The following CDCA2 variants were observed in gnomAD, a reference collection of about 807,000 sequenced individuals.
CDCA2 encodes the protein cell division cycle-associated protein 2.
A neutral mutation model predicts 67.0 loss-of-function variants in CDCA2; 44 were observed. That is an observed-to-expected ratio of 0.66 (90% confidence interval 0.52 to 0.84). The LOEUF (loss-of-function observed/expected upper bound fraction) is 0.84. Among genes scored for constraint, CDCA2 ranks in the 40% least tolerant of loss-of-function variants. The pLI, the probability that CDCA2 is intolerant of heterozygous loss-of-function variation, is 0.00. For missense variants in CDCA2, 1,253 were observed against 1,203.2 expected, an observed-to-expected ratio of 1.04 and a Z score of -0.61; for synonymous variants, 447 against 418.7, an observed-to-expected ratio of 1.07 and a Z score of -0.82.
At chr8:25,494,466 T>C (rs1386743030) in intron 13 of CDCA2, among the ~76,000 whole-genome samples, 1 of 152,238 alleles carries the variant, frequency 6.6e-6, no homozygotes, top group Non-Finnish European at 1.5e-5. Context: ...TGCTGTATTT[T>C]TACAGTATAA....
At chr8:25,478,859 A>T (rs1340381816) in intron 7 of CDCA2, among the ~76,000 whole-genome samples, 10 of 140,570 alleles carry the variant, frequency 7.1e-5, no homozygotes, top group Non-Finnish European at 1.5e-5. Context: ...TTTCCTTAAT[A>T]GCATATATTA....
At chr8:25,469,071 GTC>G (rs986892499) in intron 6 of CDCA2, among the ~76,000 whole-genome samples, 1 of 152,234 alleles carries the variant, frequency 6.6e-6, no homozygotes, top group African/African-American at 2.4e-5. Flanking sequence ...TGGAGAGCTG[GTC>G]TCTCGTGACG....
At chr8:25,498,453 A>AACCCTCCCCCCCCCCCCCCCCCCC (rs1804327156) in intron 13 of CDCA2, among the ~76,000 whole-genome samples, 1 of 76,612 alleles carries the variant, frequency 1.3e-5, no homozygotes, top group Non-Finnish European at 2.6e-5. Flanking sequence ...GGTAATCTGC[A>AACCCTCCCCCCCCCCCCCCCCCCC]CCCCCCCCCC....
At chr8:25,498,450 T>TTCCC (rs1804325666) in intron 13 of CDCA2, among the ~76,000 whole-genome samples, 1 of 66,872 alleles carries the variant, frequency 1.5e-5, no homozygotes, top group Non-Finnish European at 3.6e-5. Flanking sequence ...TCAGGTAATC[T>TTCCC]GCACCCCCCC....
At chr8:25,480,366 T>A (rs1241117250) in intron 8 of CDCA2, among the ~76,000 whole-genome samples, 1 of 152,120 alleles carries the variant, frequency 6.6e-6, no homozygotes, top group Non-Finnish European at 1.5e-5. Flanking sequence ...AGACTGTAGT[T>A]TATAAAGGGT....
intron 8 of CDCA2, among the ~76,000 whole-genome samples, chr8:25,481,020 C>A (rs974526397): frequency 6.6e-6 from 1 of 152,038 alleles, no homozygotes; most frequent in Non-Finnish European, 1.5e-5. Context: ...TGCCTACAAG[C>A]CTGTTCTGAT....
At chr8:25,469,043 C>T (rs569610178) in intron 6 of CDCA2, among the ~76,000 whole-genome samples, 2 of 152,368 alleles carry the variant, frequency 1.3e-5, no homozygotes, top group Admixed American at 6.5e-5. Flanking sequence ...GATCAGTTGA[C>T]CTGCGCGCAC....
chr8:25,498,396 C>T lies in CDCA2; in HGVS notation c.1672-4977C>T, dbSNP rs558264622. ...CTAATTTTTGTATTTTTAGTAGAGA[C>T]GGGGTTTCACTATGTTGGCCTGGCT... On this transcript the variant is annotated intron_variant, in intron 13 of 14. Transcript: ENST00000330560. 1.0e-3 allele frequency among the ~76,000 whole-genome samples: 148 copies of T among 144,870 alleles called. 3 individuals carry two copies. The highest frequency in any genetic ancestry group is 1.0e-4 in the Non-Finnish European group (7 of 66,766).
chr8:25,492,939 G>T (rs1169761940), intron 13 of CDCA2, among the ~76,000 whole-genome samples: 1 of 152,140 alleles, frequency 6.6e-6, no homozygotes, highest in African/African-American at 2.4e-5. Flanking sequence ...GTTCATTCCT[G>T]CCTCCAGTGC....
At chr8:25,481,250 A>T (rs1380799371) in intron 8 of CDCA2, among the ~76,000 whole-genome samples, 1 of 147,370 alleles carries the variant, frequency 6.8e-6, no homozygotes, top group African/African-American at 2.5e-5. Context: ...AAAAAAAAAA[A>T]GCTGATTTGG....
intron 8 of CDCA2, 134 bp downstream of exon 8, chr8:25,480,258 C>T (rs1005351737): frequency 2.7e-6 from 2 of 736,458 alleles, no homozygotes; most frequent in African/African-American, 3.6e-5. Context: ...AATTTTTTTC[C>T]TCATCTTTTC....
rs192469988 is a variant in CDCA2 at position 25,505,389 on chromosome 8, C to T, written c.1844-1121C>T. Reference sequence around the variant, plus strand: ...GCTAATTTTGTATTTTTAGTAGAGACGGGGTTTCACCATGTTGGCCAGGCT... The same window carrying T: ...GCTAATTTTGTATTTTTAGTAGAGATGGGGTTTCACCATGTTGGCCAGGCT... On this transcript the variant is annotated intron_variant, in intron 14 of 14. Coordinates refer to ENST00000330560, the MANE Select transcript of CDCA2 (RefSeq NM_152562.4). Among the ~76,000 whole-genome samples, 150 of 152,118 alleles carry T rather than the reference C, an allele frequency of 9.9e-4. 1 individual carries two copies. In the East Asian group the frequency reaches 0.012, roughly 12 times the overall value.
chr8:25,486,224 A>G (rs972503644), intron 11 of CDCA2, among the ~76,000 whole-genome samples: 1 of 152,246 alleles, frequency 6.6e-6, no homozygotes, highest in African/African-American at 2.4e-5. Context: ...CGTTTTTAGC[A>G]CATGTGCTTT....
intron 13 of CDCA2, among the ~76,000 whole-genome samples, chr8:25,492,382 T>C (rs1489061542): frequency 6.6e-6 from 1 of 152,152 alleles, no homozygotes; most frequent in African/African-American, 2.4e-5. Context: ...TGGTTGTAGC[T>C]GTTCAGCCAG....
Position 25,462,209 on chromosome 8 carries a change from G to C in CDCA2, c.387+1G>C. The C allele has an allele frequency of 6.2e-7, 1 of 1,613,750 alleles. No individual in the cohort carries two copies. Among genetic ancestry groups the C allele is most frequent in the East Asian group, 2.2e-5 (1 of 44,880 alleles). On this transcript the variant is annotated splice_donor_variant, in intron 4 of 14. Transcript: ENST00000330560. LOFTEE classifies it high-confidence loss of function. ...TTTGGCACAAGATTCTCCTTCCCAG[G>C]TATGATTTTCTTCTAAGTTCTGTCG...
In CDCA2 at chr8:25,503,432, A is replaced by G. The variant is rs1471965167; in HGVS notation, c.1731A>G (p.Leu577=). The G allele has an allele frequency of 1.2e-6, 2 of 1,614,154 alleles. No individual in the cohort carries two copies. Among genetic ancestry groups the G allele is most frequent in the South Asian group, 2.2e-5 (2 of 91,086 alleles). ...GAAAGAAAAGTGTTCAGAAATCTTT[A>G]TATGGGGAAAGAGACATTGCTTCTA... ...GKGKKSVQKS[L]YGERDIASKK... The change falls in exon 14 of 15, where the codon TTA becomes TTG. Residue 577 remains leucine, a synonymous_variant. Coordinates refer to ENST00000330560, the MANE Select transcript of CDCA2 (RefSeq NM_152562.4).
At chr8:25,497,992 C>T (rs1327220812) in intron 13 of CDCA2, among the ~76,000 whole-genome samples, 1 of 152,062 alleles carries the variant, frequency 6.6e-6, no homozygotes, top group Non-Finnish European at 1.5e-5. Flanking sequence ...TCAATTTACT[C>T]ACCAAATAAA....
intron 7 of CDCA2, among the ~76,000 whole-genome samples, chr8:25,477,820 A>C (rs1312834990): frequency 6.6e-6 from 1 of 151,998 alleles, no homozygotes; most frequent in Admixed American, 6.6e-5. Context: ...TTTTTCCTTC[A>C]CCAACCTGCT....
intron 10 of CDCA2, among the ~76,000 whole-genome samples, 191 bp downstream of exon 10, chr8:25,484,401 T>C (rs1170803960): frequency 6.6e-6 from 1 of 152,216 alleles, no homozygotes; most frequent in Admixed American, 6.5e-5. Context: ...CCCTGACTCC[T>C]TGTACATATT....
Sources: allele counts gnomAD v4.1 joint callset (sites outside exome capture counted in the v4.1 genomes callset), GRCh38; gene constraint gnomAD v4.1.1; transcripts MANE v1.5; gene names NCBI Gene and HGNC (gene_info 2026-07-23, HGNC 2026-07-21).